The following DMD variants were observed in gnomAD, a reference collection of about 807,000 sequenced individuals.
The protein encoded by DMD is dystrophin, also known as mutant dystrophin.
A neutral mutation model predicts 330.1 loss-of-function variants in DMD; 63 were observed. The ratio of observed to expected loss-of-function variants is 0.19; its 90% confidence interval spans 0.16 to 0.24. DMD has a LOEUF of 0.24. Among genes scored for constraint, DMD ranks in the 10% least tolerant of loss-of-function variants. The pLI is 1.00. For synonymous variants in DMD, 1,223 were observed against 959.8 expected (o/e 1.27, Z -5.07); for missense variants, 3,344 against 2,684.1 (o/e 1.25, Z -5.43).
chrX:32,652,792 G>A (rs1028409969), intron 9 of DMD, among the ~76,000 whole-genome samples: 1 of 111,624 alleles, frequency 9.0e-6, no homozygotes, highest in Non-Finnish European at 1.9e-5. Flanking sequence ...GTGTAAAAGT[G>A]CTCTTATTTC....
intron 9 of DMD, 37 bp downstream of exon 9, chrX:32,697,833 C>A: frequency 8.3e-7 from 1 of 1,208,602 alleles, no homozygotes; most frequent in East Asian, 3.0e-5. Context: ...GGAAGCAGTT[C>A]TCTGGTTTGT....
At chrX:31,241,569 TTC>T (rs35442560) in intron 63 of DMD, among the ~76,000 whole-genome samples, 237 of 111,828 alleles carry the variant, frequency 2.1e-3, no homozygotes, top group African/African-American at 7.1e-3. Context: ...GGTATCACCA[TTC>T]TCTGTGTCAC....
At chrX:31,435,004 T>C (rs1373736091) in intron 60 of DMD, among the ~76,000 whole-genome samples, 1 of 111,927 alleles carries the variant, frequency 8.9e-6, no homozygotes, top group Non-Finnish European at 1.9e-5. Context: ...GGAGTGGTAC[T>C]GCATAGTTAG....
intron 60 of DMD, among the ~76,000 whole-genome samples, chrX:31,372,702 C>A (rs1036666798): frequency 9.0e-6 from 1 of 111,344 alleles, no homozygotes; most frequent in Non-Finnish European, 1.9e-5. Flanking sequence ...TATGACAAAC[C>A]CACAGCCAAT....
intron 44 of DMD, among the ~76,000 whole-genome samples, chrX:32,194,209 C>T (rs1477103756): frequency 3.6e-5 from 4 of 111,742 alleles, no homozygotes; most frequent in African/African-American, 1.3e-4. Flanking sequence ...TCAGTTGAGG[C>T]ATAATTTGCA....
intron 44 of DMD, among the ~76,000 whole-genome samples, chrX:32,199,978 A>C (rs772295211): frequency 7.2e-5 from 8 of 110,882 alleles, no homozygotes; most frequent in Admixed American, 3.9e-4. Context: ...TTTCTACCTC[A>C]AAAACATAGC....
At chrX:32,651,722 A>G (rs1174018212) in intron 9 of DMD, among the ~76,000 whole-genome samples, 1 of 111,863 alleles carries the variant, frequency 8.9e-6, no homozygotes, top group Non-Finnish European at 1.9e-5. Flanking sequence ...TTCACACTGC[A>G]TGTCTGTATC....
chrX:31,914,061 A>AT (rs2094578949), intron 47 of DMD, among the ~76,000 whole-genome samples: 1 of 112,367 alleles, frequency 8.9e-6, no homozygotes, highest in Non-Finnish European at 1.9e-5. Flanking sequence ...AAAAGCAACG[A>AT]TTTTTCTCAT....
chrX:33,284,638 C>T (rs1332404096), intron 1 of DMD, among the ~76,000 whole-genome samples: 2 of 105,224 alleles, frequency 1.9e-5, no homozygotes, highest in Non-Finnish European at 3.9e-5. Context: ...CAGCCTTTCC[C>T]CCTTCTTGTC....
At chrX:32,045,991 C>T (rs1471731735) in intron 44 of DMD, among the ~76,000 whole-genome samples, 4 of 111,908 alleles carry the variant, frequency 3.6e-5, no homozygotes, top group African/African-American at 9.7e-5. Context: ...CAAATGTCTC[C>T]TTTCCTTCTC....
At chrX:32,424,095 T>A (rs993668780) in intron 29 of DMD, among the ~76,000 whole-genome samples, 17 of 111,017 alleles carry the variant, frequency 1.5e-4, no homozygotes, top group African/African-American at 3.9e-4. Context: ...TCTTGACCAT[T>A]TATTCAATTA....
At chrX:33,336,598 G>T (rs1275580177) in intron 1 of DMD, among the ~76,000 whole-genome samples, 1 of 111,077 alleles carries the variant, frequency 9.0e-6, no homozygotes, top group Admixed American at 9.7e-5. Flanking sequence ...GAATATAAAT[G>T]CCTTAGAGAA....
intron 6 of DMD, among the ~76,000 whole-genome samples, chrX:32,809,835 A>T (rs1408265928): frequency 1.9e-5 from 2 of 105,051 alleles, no homozygotes; most frequent in African/African-American, 7.0e-5. Flanking sequence ...TAATCTCAAC[A>T]ATTTGGGAGA....
At chrX:31,742,400 CT>C (rs1208464931) in intron 51 of DMD, among the ~76,000 whole-genome samples, 1 of 111,676 alleles carries the variant, frequency 9.0e-6, no homozygotes, top group African/African-American at 3.3e-5. Context: ...ACATGTGACT[CT>C]TTTTTTTCCC....
intron 57 of DMD, among the ~76,000 whole-genome samples, chrX:31,490,289 G>A (rs1603251407): frequency 8.9e-6 from 1 of 112,379 alleles, no homozygotes; most frequent in African/African-American, 3.2e-5. Context: ...CTGGCCGGGC[G>A]CGGTGGCTCA....
chrX:33,338,971 C>T (rs1034556421), intron 1 of DMD, among the ~76,000 whole-genome samples: 4 of 111,161 alleles, frequency 3.6e-5, no homozygotes, highest in African/African-American at 1.3e-4. Flanking sequence ...CATCATCTAC[C>T]TGAAGAAACC....
rs1430889537 is a variant in DMD, at chrX:33,049,521, G to T, written c.32-29321C>A. Among the ~76,000 whole-genome samples the T allele has an allele frequency of 2.7e-5, 3 of 110,899 alleles. No individual in the cohort carries two copies. In the East Asian group the frequency reaches 8.5e-4, roughly 31 times the overall value. ...TCTCGAAAGGAAAGGAAAAGATAATGAAAAAGCAATGTAAAAAATGAGAGA... is the reference window on the plus strand; with the variant it reads ...TCTCGAAAGGAAAGGAAAAGATAATTAAAAAGCAATGTAAAAAATGAGAGA... On this transcript the variant is annotated intron_variant, in intron 1 of 78. Coordinates refer to ENST00000357033, the MANE Select transcript of DMD (RefSeq NM_004006.3).
intron 50 of DMD, among the ~76,000 whole-genome samples, chrX:31,807,169 T>G (rs1307863275): frequency 2.7e-5 from 3 of 111,970 alleles, no homozygotes; most frequent in Non-Finnish European, 3.8e-5. Context: ...GATTTCATGC[T>G]GTAGGCAATT....
chrX:32,612,266 C>T (rs2057236584), intron 12 of DMD, among the ~76,000 whole-genome samples: 1 of 110,872 alleles, frequency 9.0e-6, no homozygotes, highest in African/African-American at 3.3e-5. Flanking sequence ...TGGCTAAGGG[C>T]AGCTCTGGTG....
Sources: allele counts gnomAD v4.1 joint callset (sites outside exome capture counted in the v4.1 genomes callset), GRCh38; gene constraint gnomAD v4.1.1; transcripts MANE v1.5; gene names NCBI Gene and HGNC (gene_info 2026-07-23, HGNC 2026-07-21).